Variants in TSPAN14 observed in about 807,000 individuals in gnomAD.
TSPAN14 encodes the protein tetraspanin-14.
A neutral mutation model predicts 36.6 loss-of-function variants in TSPAN14; 16 were observed. The observed-to-expected ratio is 0.44, with a 90% CI of 0.30 to 0.66. The LOEUF is 0.66. Among genes scored for constraint, TSPAN14 ranks in the 30% least tolerant of loss-of-function variants. The probability of loss-of-function intolerance (pLI) is 0.12; values close to 1 mark genes in which losing one functional copy is unlikely to be tolerated. For synonymous variants in TSPAN14, 139 were observed against 143.8 expected, an observed-to-expected ratio of 0.97 and a Z score of 0.24; for missense variants, 231 against 355.1, an observed-to-expected ratio of 0.65 and a Z score of 2.81.
At chr10:80,492,906 C>T (rs1355701309) in intron 2 of TSPAN14, among the ~76,000 whole-genome samples, 1 of 152,006 alleles carries the variant, frequency 6.6e-6, no homozygotes, top group Non-Finnish European at 1.5e-5. Flanking sequence ...CTCTTTCTGA[C>T]TTTGGGGCCA....
intron 2 of TSPAN14, among the ~76,000 whole-genome samples, chr10:80,494,010 G>T (rs932882826): frequency 3.3e-5 from 5 of 152,248 alleles, no homozygotes; most frequent in Admixed American, 2.6e-4. Context: ...GCATGCAGAG[G>T]TTGGATGAAG....
At chr10:80,506,364 G>A (rs1840303283) in intron 3 of TSPAN14, among the ~76,000 whole-genome samples, 1 of 152,224 alleles carries the variant, frequency 6.6e-6, no homozygotes, top group African/African-American at 2.4e-5. Flanking sequence ...ATTCCACACT[G>A]AAGATGTAAT....
At chr10:80,462,348 A>ATGGGGTGGGATGGGATGGGATGGGG (rs879278437) in intron 1 of TSPAN14, among the ~76,000 whole-genome samples, 1 of 85,530 alleles carries the variant, frequency 1.2e-5, no homozygotes, top group African/African-American at 4.2e-5. Flanking sequence ...GGGCGTAGGA[A>ATGGGGTGGGATGGGATGGGATGGGG]TGGGGTGGGA....
At chr10:80,457,868 A>C (rs1468064474) in intron 1 of TSPAN14, among the ~76,000 whole-genome samples, 1 of 152,202 alleles carries the variant, frequency 6.6e-6, no homozygotes, top group African/African-American at 2.4e-5. Context: ...TTCACACTGC[A>C]TGTTCATCAC....
At chr10:80,474,242 C>A (rs534749345) in intron 1 of TSPAN14, among the ~76,000 whole-genome samples, 1 of 151,832 alleles carries the variant, frequency 6.6e-6, no homozygotes, top group African/African-American at 2.4e-5. Flanking sequence ...GGATTGGCTT[C>A]GGAGAATGAG....
intron 1 of TSPAN14, among the ~76,000 whole-genome samples, chr10:80,484,539 C>T (rs570449171): frequency 6.6e-6 from 1 of 152,180 alleles, no homozygotes; most frequent in Admixed American, 6.5e-5. Context: ...GCTTATTTTT[C>T]CATTTGTTAC....
chr10:80,468,312 G>A (rs1056031472), intron 1 of TSPAN14, among the ~76,000 whole-genome samples: 8 of 152,144 alleles, frequency 5.3e-5, no homozygotes, highest in Non-Finnish European at 8.8e-5. Context: ...GGAGGGCGGT[G>A]GTCTTGGAAG....
At chr10:80,520,725 C>A (rs1234562601) in exon 9 of TSPAN14, 4 of 533,378 alleles carry the variant, frequency 7.5e-6, no homozygotes, top group Non-Finnish European at 1.5e-5. Flanking sequence ...AGCTTCTTAT[C>A]TGGGCTGTCT....
intron 1 of TSPAN14, among the ~76,000 whole-genome samples, chr10:80,456,547 A>T (rs1447575081): frequency 6.6e-6 from 1 of 152,150 alleles, no homozygotes; most frequent in Non-Finnish European, 1.5e-5. Flanking sequence ...CTGAGGCCTC[A>T]CTCTATGCCA....
intron 1 of TSPAN14, among the ~76,000 whole-genome samples, chr10:80,461,004 C>T (rs188477118): frequency 1.1e-3 from 173 of 152,308 alleles, no homozygotes; most frequent in Non-Finnish European, 2.1e-3. Context: ...CTGCTGCCTT[C>T]TAGCCGGAGC....
At chr10:80,457,070 A>G (rs1392537205) in intron 1 of TSPAN14, among the ~76,000 whole-genome samples, 2 of 152,292 alleles carry the variant, frequency 1.3e-5, no homozygotes, top group East Asian at 1.9e-4. Context: ...CTCAAAAAAC[A>G]AAAAACAAAA....
chr10:80,460,851 C>G (rs904967958), intron 1 of TSPAN14, among the ~76,000 whole-genome samples: 1 of 152,146 alleles, frequency 6.6e-6, no homozygotes, highest in African/African-American at 2.4e-5. Context: ...CCCTGCTCTC[C>G]CTGTCCTGGG....
chr10:80,497,403 A>G lies in TSPAN14; in HGVS notation c.82-7325A>G, dbSNP rs199606497. On this transcript the variant is annotated intron_variant, in intron 2 of 8. Transcript: ENST00000429989. ...CCTTCCGCCTGTTTTTACACATACAATTTTATTGGAACACAGCCACACCCA... is the reference window on the plus strand; with the variant it reads ...CCTTCCGCCTGTTTTTACACATACAGTTTTATTGGAACACAGCCACACCCA... Among the ~76,000 whole-genome samples the G allele has an allele frequency of 3.3e-5, 5 of 152,212 alleles. No homozygotes were observed. In the East Asian group the frequency reaches 5.8e-4, roughly 18 times the overall value.
At chr10:80,490,065 T>C (rs1431681075) in intron 2 of TSPAN14, among the ~76,000 whole-genome samples, 1 of 152,138 alleles carries the variant, frequency 6.6e-6, no homozygotes, top group African/African-American at 2.4e-5. Context: ...ATCATACAGG[T>C]CTCAATAAAT....
chr10:80,472,217 G>T (rs1046163422), intron 1 of TSPAN14, among the ~76,000 whole-genome samples: 3 of 152,192 alleles, frequency 2.0e-5, no homozygotes, highest in Non-Finnish European at 4.4e-5. Context: ...CTCCAAGAAG[G>T]ACCACAAACT....
At position 80,508,971 on chromosome 10, in the gene TSPAN14, T is replaced by C. The variant is rs537763143; in HGVS notation, c.280-330T>C. 7.2e-5 allele frequency among the ~76,000 whole-genome samples: 11 copies of C among 152,226 alleles called. 1 individual carries two copies. The highest frequency in any genetic ancestry group is 3.4e-3 in the Middle Eastern group (1 of 294). On this transcript the variant is annotated intron_variant, in intron 4 of 8. Coordinates refer to ENST00000429989, the Ensembl canonical transcript of TSPAN14. The stretch of plus-strand genomic sequence containing the variant: ...CAGCCATTCATTCCTGTGATAGGGG[T>C]CTCCTCCTTGTCCAGGGAGGAGGGC...
chr10:80,515,939 A>C, intron 7 of TSPAN14: 2 of 470,480 alleles, frequency 4.3e-6, no homozygotes, highest in Non-Finnish European at 7.6e-6. Flanking sequence ...GTATCTTGAG[A>C]AAGTTGGGCT....
intron 1 of TSPAN14, among the ~76,000 whole-genome samples, chr10:80,454,621 C>G (rs1374291636): frequency 2.0e-5 from 3 of 151,924 alleles, no homozygotes; most frequent in African/African-American, 7.2e-5. Context: ...GCCGCGCGGA[C>G]GAGAGCCGCG....
intron 1 of TSPAN14, among the ~76,000 whole-genome samples, chr10:80,467,559 A>G (rs989308272): frequency 6.6e-6 from 1 of 152,192 alleles, no homozygotes; most frequent in East Asian, 1.9e-4. Context: ...CTATTAATCT[A>G]ACTCCAAAAT....
Sources: allele counts gnomAD v4.1 joint callset (sites outside exome capture counted in the v4.1 genomes callset), GRCh38; gene constraint gnomAD v4.1.1; transcripts MANE v1.5; gene names NCBI Gene and HGNC (gene_info 2026-07-23, HGNC 2026-07-21).